CD55: variants seen among roughly 807,000 people sequenced by gnomAD.
CD55 encodes complement decay-accelerating factor.
A neutral mutation model predicts 45.8 loss-of-function variants in CD55; 41 were observed. That is an observed-to-expected ratio of 0.90 (90% confidence interval 0.70 to 1.16). CD55 has a LOEUF of 1.16. CD55 is among the 50% of genes most tolerant of loss of function. The probability of loss-of-function intolerance (pLI) is 0.00; values close to 1 mark genes in which losing one functional copy is unlikely to be tolerated. For synonymous variants in CD55, 181 were observed against 181.1 expected (o/e 1.00, Z 0.01); for missense variants, 416 against 469.8 (o/e 0.89, Z 1.06).
intron 9 of CD55, among the ~76,000 whole-genome samples, chr1:207,347,745 C>G (rs1357416819): frequency 6.6e-6 from 1 of 152,168 alleles, no homozygotes; most frequent in Non-Finnish European, 1.5e-5. Context: ...CTTCCATTCT[C>G]AAATAAGCCC....
At position 207,337,475 on chromosome 1, in the gene CD55, G is replaced by A. The variant is rs1055177773; in HGVS notation, c.1060+66G>A. On this transcript the variant is annotated intron_variant, in intron 8 of 9. Coordinates refer to ENST00000367064, the MANE Select transcript of CD55 (RefSeq NM_000574.5). The stretch of plus-strand genomic sequence containing the variant: ...TGTGCTATGGTGGAAATATGAACTT[G>A]ACCAAGATTGCAGGATTAAATGGTC... 10 of 866,922 alleles carry A rather than the reference G, an allele frequency of 1.2e-5. No individual in the cohort carries two copies. The African/African-American group carries it at 1.5e-4, about 13-fold the overall frequency. The allele number at this position is 866,922 out of a possible 1,614,324, so 53.7% of individuals were successfully genotyped here. A position where few individuals can be genotyped will look rare whatever the true frequency, so the allele number is the denominator to read the frequency against.
chr1:207,350,896 G>A (rs1323799839), intron 9 of CD55, among the ~76,000 whole-genome samples: 1 of 151,790 alleles, frequency 6.6e-6, no homozygotes, highest in African/African-American at 2.4e-5. Flanking sequence ...CTAGCTTTTG[G>A]GTTGGTTTGC....
At chr1:207,330,972 CTT>C in intron 5 of CD55, 134 bp from the exon 6 acceptor site, 1 of 683,742 alleles carries the variant, frequency 1.5e-6, no homozygotes, top group Admixed American at 3.0e-5. Context: ...ATAAGCATCT[CTT>C]GTTGGTAATG....
intron 9 of CD55, among the ~76,000 whole-genome samples, chr1:207,356,538 T>C (rs981102384): frequency 3.7e-4 from 57 of 152,176 alleles, no homozygotes; most frequent in African/African-American, 1.3e-3. Flanking sequence ...ACCTCTAACA[T>C]ACTGTGAAAT....
chr1:207,355,008 G>A (rs1656021689), intron 9 of CD55, among the ~76,000 whole-genome samples: 1 of 152,166 alleles, frequency 6.6e-6, no homozygotes, highest in Non-Finnish European at 1.5e-5. Flanking sequence ...GTGACAGAAA[G>A]GGGGAAACCC....
At chr1:207,336,622 A>G in intron 6 of CD55, 71 bp from the exon 7 acceptor site, 2 of 1,546,156 alleles carry the variant, frequency 1.3e-6, no homozygotes, top group South Asian at 2.3e-5. Context: ...CCACAGAGCA[A>G]GCAATGGCTA....
At chr1:207,351,909 T>C (rs1302544140) in intron 9 of CD55, among the ~76,000 whole-genome samples, 11 of 152,152 alleles carry the variant, frequency 7.2e-5, no homozygotes, top group Non-Finnish European at 1.3e-4. Context: ...ACTGGACATA[T>C]GGCAACATTT....
At chr1:207,338,136 A>G (rs1655266918) in intron 8 of CD55, among the ~76,000 whole-genome samples, 1 of 152,104 alleles carries the variant, frequency 6.6e-6, no homozygotes. Flanking sequence ...TTCTCCCTCT[A>G]AGGCAATTAC....
intron 9 of CD55, among the ~76,000 whole-genome samples, chr1:207,352,025 G>A (rs12142286): frequency 0.28 from 42,290 of 151,916 alleles, 6,155 homozygotes; most frequent in African/African-American, 0.35. Flanking sequence ...TAACTCTACT[G>A]CAAGAAAATT....
chr1:207,346,351 A>T (rs761761222), intron 9 of CD55, among the ~76,000 whole-genome samples: 5 of 152,076 alleles, frequency 3.3e-5, no homozygotes, highest in Admixed American at 6.6e-5. Context: ...AGGCTTGTGT[A>T]CTGAGAGGGT....
intron 9 of CD55, among the ~76,000 whole-genome samples, chr1:207,350,694 GGT>G (rs1228859119): frequency 2.0e-5 from 3 of 152,022 alleles, no homozygotes; most frequent in African/African-American, 4.8e-5. Context: ...TGGGGTTGGT[GGT>G]AATGTCCCCT....
rs1247817260 is a variant in CD55 at position 207,359,817 on chromosome 1, G to C, written c.*207G>C. The C allele has an allele frequency of 2.3e-6, 1 of 434,132 alleles. No homozygotes were observed. The highest frequency in any genetic ancestry group is 3.9e-6 in the Non-Finnish European group (1 of 257,640). The allele number at this position is 434,132 out of a possible 1,614,324, so 26.9% of individuals were successfully genotyped here. A position where few individuals can be genotyped will look rare whatever the true frequency, so the allele number is the denominator to read the frequency against. Reference sequence around the variant, plus strand: ...CATTCTTAGCACACCTACACCTCTTGAAAATAGAACAACTTGCAGAATTGA... The same window carrying C: ...CATTCTTAGCACACCTACACCTCTTCAAAATAGAACAACTTGCAGAATTGA... On this transcript the variant is annotated 3_prime_UTR_variant, in exon 10 of 10. Coordinates refer to ENST00000367064, the MANE Select transcript of CD55 (RefSeq NM_000574.5).
At chr1:207,322,681 AGG>A in intron 2 of CD55, 114 bp downstream of exon 2, 1 of 901,998 alleles carries the variant, frequency 1.1e-6, no homozygotes, top group South Asian at 1.8e-5. Flanking sequence ...ACTAAACCCC[AGG>A]GTATACCCTG....
rs1019480008 is a variant in CD55, at chr1:207,337,389, A to G, written c.1040A>G (p.Lys347Arg). 4.4e-6 allele frequency: 7 copies of G among 1,601,178 alleles called. No homozygotes were observed. Among genetic ancestry groups the G allele is most frequent in the Non-Finnish European group, 6.0e-6 (7 of 1,168,326 alleles). ...CATTTTCATGAAACAACCCCAAATA[A>G]AGGAAGTGGAACCACTTCAGGTCAG... Reference protein sequence around the residue: ...TKHFHETTPNKGSGTTSGTTR... With the variant: ...TKHFHETTPNRGSGTTSGTTR... The change falls in exon 8 of 10, where the codon AAA becomes AGA. Residue 347 changes from lysine (K) to arginine (R), a missense_variant. Physicochemically the swap from Lys to Arg is conservative, Grantham distance 26. Around this residue, in one of 3 missense-constraint regions of CD55, gnomAD observed 182 missense variants for 201.4 expected, o/e 0.90. Coordinates refer to ENST00000367064, the MANE Select transcript of CD55 (RefSeq NM_000574.5).
chr1:207,340,816 G>A (rs1655394183), intron 9 of CD55: 1 of 425,194 alleles, frequency 2.4e-6, no homozygotes, highest in Admixed American at 4.4e-5. Context: ...ACCCAGTAGT[G>A]GGATTGCTGG....
Position 207,326,785 on chromosome 1 carries a change from T to C in CD55, c.612T>C (p.Cys204=). 2 of 1,613,974 alleles carry C rather than the reference T, an allele frequency of 1.2e-6. No homozygotes were observed. Among genetic ancestry groups the C allele is most frequent in the Non-Finnish European group, 1.7e-6 (2 of 1,179,864 alleles). ...TATTTGGCTCGACTTCTAGTTTTTG[T>C]CTTATTTCAGGCAGCTCTGTCCAGT... is the stretch of plus-strand genomic sequence containing the variant. ...YKLFGSTSSF[C]LISGSSVQWS... The change falls in exon 5 of 10, where the codon TGT becomes TGC. Residue 204 remains cysteine (C), a synonymous_variant. Transcript: ENST00000367064.
chr1:207,352,911 A>C (rs1655925439), intron 9 of CD55, among the ~76,000 whole-genome samples: 1 of 151,856 alleles, frequency 6.6e-6, no homozygotes, highest in South Asian at 2.1e-4. Context: ...TCTCACAACA[A>C]TCTTATAATG....
chr1:207,353,040 GTTTTTTTTTTTT>G (rs386369456), intron 9 of CD55, among the ~76,000 whole-genome samples: 5 of 47,418 alleles, frequency 1.1e-4, no homozygotes, highest in Non-Finnish European at 1.5e-4. Context: ...CTATTACCAG[GTTTTTTTTTTTT>G]TTTTTTTTTT....
chr1:207,349,079 G>A (rs898404784), intron 9 of CD55, among the ~76,000 whole-genome samples: 26 of 152,002 alleles, frequency 1.7e-4, no homozygotes, highest in Admixed American at 1.4e-3. Flanking sequence ...ATTTTAGAAT[G>A]TATATTTTTT....
Sources: gnomAD v4.1 joint callset for allele counts (sites outside exome capture counted in the v4.1 genomes callset) on GRCh38, gnomAD v4.1.1 for gene constraint, gnomAD v4.1.1 regional missense constraint, MANE v1.5 for transcripts, NCBI Gene and HGNC (gene_info 2026-07-23, HGNC 2026-07-21) for gene names.